TLR5: variants seen among roughly 807,000 people sequenced by gnomAD.
The protein encoded by TLR5 is toll like receptor 5.
For missense variants in TLR5, 944 were observed against 999.8 expected, an observed-to-expected ratio of 0.94 and a Z score of 0.75; for synonymous variants, 373 against 384.4, an observed-to-expected ratio of 0.97 and a Z score of 0.35.
intron 2 of TLR5, among the ~76,000 whole-genome samples, 199 bp from the exon 3 acceptor site, chr1:223,137,462 C>T (rs1462795163): frequency 6.6e-6 from 1 of 152,110 alleles, no homozygotes. Context: ...TTAATTTGTG[C>T]ACAGTAAAAG....
chr1:223,112,894 G>A lies in TLR5; in HGVS notation c.138C>T (p.Asn46=). The change falls in exon 6 of 6, where the codon AAC becomes AAT. Residue 46 remains asparagine (N), a synonymous_variant. Transcript: ENST00000642603. ...CNLTQVPQVL[N]TTERLLLSFN... The stretch of plus-strand genomic sequence containing the variant: ...AGCTCAGCAGGAGCCTCTCAGTGGT[G>A]TTGAGGACCTGGGGGACCTGGGTGA... 1 of 1,614,214 alleles carries A rather than the reference G, an allele frequency of 6.2e-7. No individual in the cohort carries two copies. Among genetic ancestry groups the A allele is most frequent in the Non-Finnish European group, 8.5e-7 (1 of 1,180,040 alleles).
At chr1:223,126,526 T>C (rs1249200885) in intron 5 of TLR5, among the ~76,000 whole-genome samples, 1 of 152,290 alleles carries the variant, frequency 6.6e-6, no homozygotes, top group East Asian at 1.9e-4. Context: ...ATTAAAAAAA[T>C]TAAATTAAAC....
intron 5 of TLR5, among the ~76,000 whole-genome samples, chr1:223,122,564 C>G (rs76071843): frequency 6.6e-6 from 1 of 152,172 alleles, no homozygotes; most frequent in Non-Finnish European, 1.5e-5. Context: ...TTGGGTTCCA[C>G]ATAACCTTTT....
rs1657766667 is a variant in TLR5 at position 223,139,882 on chromosome 1, C to T, written c.-439+1766G>A. Among the ~76,000 whole-genome samples, 3 of 152,192 alleles carry T rather than the reference C, an allele frequency of 2.0e-5. No homozygotes were observed. In the South Asian group the frequency reaches 6.2e-4, roughly 32 times the overall value. Reference sequence around the variant, plus strand: ...CCTTCTACTCCAAGTTGGTGGGGCACTTCACTGTTACCTATAAGGGCTTGA... The same window carrying T: ...CCTTCTACTCCAAGTTGGTGGGGCATTTCACTGTTACCTATAAGGGCTTGA... On this transcript the variant is annotated intron_variant, in intron 2 of 5. Transcript: ENST00000642603.
chr1:223,116,216 C>T (rs374564570), intron 5 of TLR5, among the ~76,000 whole-genome samples: 34 of 152,166 alleles, frequency 2.2e-4, no homozygotes, highest in Non-Finnish European at 4.3e-4. Context: ...AGAGTGAAGT[C>T]GTGGACCCTC....
chr1:223,138,772 T>C (rs997068268), intron 2 of TLR5, among the ~76,000 whole-genome samples: 1 of 152,214 alleles, frequency 6.6e-6, no homozygotes, highest in Non-Finnish European at 1.5e-5. Flanking sequence ...ACCTGCCTCA[T>C]AGGTTTGAAA....
chr1:223,114,390 A>G (rs1656522149), intron 5 of TLR5, among the ~76,000 whole-genome samples: 1 of 152,210 alleles, frequency 6.6e-6, no homozygotes, highest in African/African-American at 2.4e-5. Flanking sequence ...TTTAAATGTA[A>G]TGAAAGGCCT....
At chr1:223,143,018 G>T (rs1282096798) in intron 1 of TLR5, among the ~76,000 whole-genome samples, 178 bp downstream of exon 1, 1 of 152,166 alleles carries the variant, frequency 6.6e-6, no homozygotes, top group African/African-American at 2.4e-5. Context: ...GGGTGCCGCG[G>T]GGCAGAGAGC....
chr1:223,134,136 C>T (rs1009246946), intron 4 of TLR5, among the ~76,000 whole-genome samples: 6 of 152,206 alleles, frequency 3.9e-5, no homozygotes, highest in Non-Finnish European at 7.3e-5. Context: ...CCTCCCACCC[C>T]CGCCGCCCCT....
Position 223,110,376 on chromosome 1 carries a change from C to T in TLR5, c.*79G>A, listed in dbSNP as rs539847930. ...AGAAAAAAAAAACCTCCAGAGAGGA[C>T]CCCAAAATGATAACTTGGTGCAAAT... On this transcript the variant is annotated 3_prime_UTR_variant, in exon 6 of 6. Transcript: ENST00000642603. 1.3e-6 allele frequency: 2 copies of T among 1,517,736 alleles called. No individual in the cohort carries two copies. The highest frequency in any genetic ancestry group is 2.3e-5 in the South Asian group (2 of 87,046). The allele number at this position is 1,517,736 out of a possible 1,614,324, so 94.0% of individuals were successfully genotyped here. A position where few individuals can be genotyped will look rare whatever the true frequency, so the allele number is the denominator to read the frequency against.
intron 5 of TLR5, among the ~76,000 whole-genome samples, chr1:223,116,983 G>C (rs1211543575): frequency 5.9e-5 from 9 of 152,210 alleles, no homozygotes; most frequent in Admixed American, 5.9e-4. Flanking sequence ...TCCTTGGGTG[G>C]TCGATGGGAC....
Position 223,109,474 on chromosome 1 carries a change from G to A in TLR5, c.*981C>T, listed in dbSNP as rs45508499. On this transcript the variant is annotated 3_prime_UTR_variant, in exon 6 of 6. Coordinates refer to ENST00000642603, the MANE Select transcript of TLR5 (RefSeq NM_003268.6). ...CAGTGAAATTGCAACTGCCCCCCAG[G>A]AGGCCTTCAGTGTATGTGTTCTCTT... 49,879 of 151,834 alleles carry A rather than the reference G, an allele frequency of 0.33. 9,687 individuals are homozygous for A. The highest frequency in any genetic ancestry group is 0.43 in the Non-Finnish European group (29,147 of 67,868). The allele number at this position is 151,834 out of a possible 1,614,324, so 9.4% of individuals were successfully genotyped here.
intron 5 of TLR5, among the ~76,000 whole-genome samples, chr1:223,117,575 A>AG (rs1316999949): frequency 2.0e-5 from 3 of 151,626 alleles, no homozygotes; most frequent in African/African-American, 7.3e-5. Context: ...AAAAAAAAAA[A>AG]AAAAAAAAGA....
intron 5 of TLR5, among the ~76,000 whole-genome samples, chr1:223,118,877 G>A (rs952580431): frequency 2.0e-5 from 3 of 152,082 alleles, no homozygotes; most frequent in African/African-American, 7.2e-5. Context: ...GCTGAGGCAG[G>A]CGGATCACCT....
intron 4 of TLR5, among the ~76,000 whole-genome samples, chr1:223,133,617 C>T (rs918234806): frequency 2.0e-5 from 3 of 152,194 alleles, no homozygotes; most frequent in African/African-American, 7.2e-5. Flanking sequence ...AGATGCTGCA[C>T]GATTGGTTTT....
At chr1:223,115,459 C>T (rs906731658) in intron 5 of TLR5, among the ~76,000 whole-genome samples, 1 of 152,096 alleles carries the variant, frequency 6.6e-6, no homozygotes, top group African/African-American at 2.4e-5. Flanking sequence ...CATGTTGGCC[C>T]AGGACGGTCT....
intron 5 of TLR5, among the ~76,000 whole-genome samples, chr1:223,113,608 TTTTA>T (rs900500615): frequency 4.6e-5 from 7 of 152,114 alleles, no homozygotes; most frequent in African/African-American, 7.2e-5. Flanking sequence ...TTTAAAAAAA[TTTTA>T]TTTATTATTC....
rs567977101 is a variant in TLR5, at chr1:223,109,441, TACA to T, written c.*1011_*1013del. The T allele has an allele frequency of 7.3e-5, 11 of 150,496 alleles. No individual in the cohort carries two copies. In the East Asian group the frequency reaches 1.9e-3, roughly 27 times the overall value. The allele number at this position is 150,496 out of a possible 1,614,324, so 9.3% of individuals were successfully genotyped here. A position where few individuals can be genotyped will look rare whatever the true frequency, so the allele number is the denominator to read the frequency against. ...ATAGATTTCATTTAAGATAAAAAAA[TACA>T]ACTTCAGTGAAATTGCAACTGCCCC... On this transcript the variant is annotated 3_prime_UTR_variant, in exon 6 of 6. Transcript: ENST00000642603.
Position 223,117,125 on chromosome 1 carries a change from C to T in TLR5, c.-4-4090G>A, listed in dbSNP as rs143265416. 8.4e-3 allele frequency among the ~76,000 whole-genome samples: 1,274 copies of T among 152,230 alleles called. 16 individuals carry two copies. Among genetic ancestry groups the T allele is most frequent in the African/African-American group, 0.028 (1,173 of 41,546 alleles). ...CTGCAGGCAGGCGGCTGAGGCCCGT[C>T]GAGAATTCGAGTGTGGCGCCGGCGG... On this transcript the variant is annotated intron_variant, in intron 5 of 5. Transcript: ENST00000642603.
Sources: gnomAD v4.1 joint callset for allele counts (sites outside exome capture counted in the v4.1 genomes callset) on GRCh38, gnomAD v4.1.1 for gene constraint, MANE v1.5 for transcripts, NCBI Gene and HGNC (gene_info 2026-07-23, HGNC 2026-07-21) for gene names.